Variants in EIF4G3 observed in about 807,000 individuals in gnomAD.
The protein encoded by EIF4G3 is eIF-4-gamma 3.
Under a neutral mutation model 186.4 loss-of-function variants are expected in EIF4G3, and 34 were observed. That is an observed-to-expected ratio of 0.18 (90% CI 0.14 to 0.24). EIF4G3 has a LOEUF of 0.24. Among genes scored for constraint, EIF4G3 ranks in the 10% least tolerant of loss-of-function variants. The probability of loss-of-function intolerance (pLI) is 1.00; values close to 1 mark genes in which losing one functional copy is unlikely to be tolerated. For synonymous variants in EIF4G3, 673 were observed against 679.5 expected, an observed-to-expected ratio of 0.99 and a Z score of 0.15; for missense variants, 1,536 against 1,948.5, an observed-to-expected ratio of 0.79 and a Z score of 3.99.
rs150071250 is a variant in EIF4G3, at chr1:20,918,040, T to C, written c.1664-13069A>G. 2.2e-3 allele frequency among the ~76,000 whole-genome samples: 336 copies of C among 152,308 alleles called. 1 individual carries two copies. Among genetic ancestry groups the C allele is most frequent in the African/African-American group, 7.5e-3 (311 of 41,576 alleles). On this transcript the variant is annotated intron_variant, in intron 14 of 36. Coordinates refer to ENST00000602326, the MANE Select transcript of EIF4G3 (RefSeq NM_001391906.1). ...CTAATTTCTGTTGCCTTTTATCTTTTACTTTTTGTTTTTAATGACAAATGT... is the reference window on the plus strand; with the variant it reads ...CTAATTTCTGTTGCCTTTTATCTTTCACTTTTTGTTTTTAATGACAAATGT...
chr1:21,045,404 A>T (rs1051084780), intron 4 of EIF4G3, among the ~76,000 whole-genome samples: 1 of 152,204 alleles, frequency 6.6e-6, no homozygotes, highest in Admixed American at 6.5e-5. Context: ...CCAGTGGATC[A>T]TATACCATCA....
At chr1:21,113,254 T>C (rs992996568) in intron 2 of EIF4G3, among the ~76,000 whole-genome samples, 1 of 151,814 alleles carries the variant, frequency 6.6e-6, no homozygotes, top group Non-Finnish European at 1.5e-5. Flanking sequence ...TCTGGTTTAA[T>C]GGTAGACCAG....
rs1194017235 is a variant in EIF4G3, at chr1:20,883,116, T to C, written c.2424+3085A>G. Among the ~76,000 whole-genome samples, 4 of 151,852 alleles carry C rather than the reference T, an allele frequency of 2.6e-5. No individual in the cohort carries two copies. The East Asian group carries it at 7.7e-4, about 29-fold the overall frequency. ...AAAAACATTTCGCTATAACTAAATA[T>C]CTAGTTGATGTCCAGTAAATTCTGT... On this transcript the variant is annotated intron_variant, in intron 19 of 36. Coordinates refer to ENST00000602326, the MANE Select transcript of EIF4G3 (RefSeq NM_001391906.1).
At chr1:21,143,241 T>C (rs1197445302) in intron 2 of EIF4G3, among the ~76,000 whole-genome samples, 1 of 148,338 alleles carries the variant, frequency 6.7e-6, no homozygotes, top group Non-Finnish European at 1.5e-5. Flanking sequence ...AAAGTGAGAA[T>C]TCGTCAAGAA....
At chr1:20,906,758 C>A (rs1387268208) in intron 14 of EIF4G3, among the ~76,000 whole-genome samples, 1 of 151,820 alleles carries the variant, frequency 6.6e-6, no homozygotes, top group Admixed American at 6.6e-5. Context: ...AAAAGAGGGA[C>A]AGAAAGAGCA....
intron 3 of EIF4G3, among the ~76,000 whole-genome samples, chr1:21,054,277 C>T (rs58880914): frequency 0.013 from 1,867 of 148,966 alleles, 30 homozygotes; most frequent in African/African-American, 0.044. Context: ...GGCAGCATGC[C>T]CGTTAAGAGT....
intron 34 of EIF4G3, among the ~76,000 whole-genome samples, chr1:20,816,199 GC>G: frequency 1.1e-5 from 1 of 94,188 alleles, no homozygotes; most frequent in African/African-American, 4.1e-5. Context: ...CCTCTGCCCG[GC>G]CAGCCGCCCC....
intron 19 of EIF4G3, among the ~76,000 whole-genome samples, chr1:20,884,063 G>A (rs1259678956): frequency 6.6e-6 from 1 of 152,108 alleles, no homozygotes; most frequent in Non-Finnish European, 1.5e-5. Context: ...TCACAATGCT[G>A]ATTTAATATA....
intron 2 of EIF4G3, among the ~76,000 whole-genome samples, chr1:21,106,259 A>AT (rs1491197103): frequency 6.6e-6 from 1 of 152,124 alleles, no homozygotes; most frequent in Non-Finnish European, 1.5e-5. Flanking sequence ...AAGACCATTC[A>AT]TTTTTTATAA....
In EIF4G3 at chr1:21,021,624, C is replaced by T. The variant is rs532732739; in HGVS notation, c.-66-18816G>A. On this transcript the variant is annotated intron_variant, in intron 4 of 36. Transcript: ENST00000602326. ...AGGCTGGAGTGCAGGGGTGCAATCT[C>T]GGCTCACTGCAACCTCTGCCTCCTG... Among the ~76,000 whole-genome samples the T allele has an allele frequency of 3.3e-5, 5 of 152,140 alleles. No homozygotes were observed. The East Asian group carries it at 7.7e-4, about 24-fold the overall frequency.
At chr1:21,092,782 C>G (rs1208885297) in intron 2 of EIF4G3, among the ~76,000 whole-genome samples, 3 of 152,134 alleles carry the variant, frequency 2.0e-5, no homozygotes, top group African/African-American at 7.2e-5. Context: ...ACAGAGCCCT[C>G]AGAAATAATA....
intron 4 of EIF4G3, among the ~76,000 whole-genome samples, chr1:21,024,166 TG>T (rs373710147): frequency 0.33 from 46,660 of 142,676 alleles, 8,335 homozygotes; most frequent in Non-Finnish European, 0.41. Context: ...GGGAGGGAGG[TG>T]GGGGGGGGTC....
intron 10 of EIF4G3, among the ~76,000 whole-genome samples, chr1:20,977,201 T>G (rs1209485805): frequency 6.6e-6 from 1 of 152,142 alleles, no homozygotes; most frequent in Non-Finnish European, 1.5e-5. Context: ...ATTTTTTTTT[T>G]TTTTAGATGG....
chr1:20,928,543 T>C (rs977514214), intron 14 of EIF4G3, among the ~76,000 whole-genome samples: 12 of 151,880 alleles, frequency 7.9e-5, no homozygotes, highest in African/African-American at 1.2e-4. Context: ...GCTGGGACTA[T>C]AGGCGTGCAC....
downstream of EIF4G3, chr1:20,806,297 C>T (rs1010956529): frequency 6.6e-6 from 1 of 152,418 alleles, no homozygotes; most frequent in African/African-American, 2.4e-5. Flanking sequence ...GAGACATATA[C>T]ATACATACAT....
intron 3 of EIF4G3, among the ~76,000 whole-genome samples, chr1:21,068,156 T>C (rs2095315713): frequency 6.6e-6 from 1 of 151,662 alleles, no homozygotes. Context: ...GTGTATCACC[T>C]GAGGTCAGGA....
intron 29 of EIF4G3, among the ~76,000 whole-genome samples, chr1:20,845,009 C>T (rs2070310769): frequency 6.6e-6 from 1 of 152,120 alleles, no homozygotes; most frequent in Admixed American, 6.6e-5. Context: ...GCTTTCGTTG[C>T]ACTGTTTTTG....
chr1:20,920,246 A>T (rs2094375496), intron 14 of EIF4G3, among the ~76,000 whole-genome samples: 1 of 152,232 alleles, frequency 6.6e-6, no homozygotes, highest in Admixed American at 6.5e-5. Context: ...AGTGACATTT[A>T]ACTAAGTTTT....
chr1:20,842,600 C>A (rs2069071924), intron 29 of EIF4G3, among the ~76,000 whole-genome samples: 1 of 152,092 alleles, frequency 6.6e-6, no homozygotes, highest in Non-Finnish European at 1.5e-5. Context: ...CTCCTGACCT[C>A]AGGTAATCGC....
Sources: gnomAD v4.1 joint callset for allele counts (sites outside exome capture counted in the v4.1 genomes callset) on GRCh38, gnomAD v4.1.1 for gene constraint, MANE v1.5 for transcripts, NCBI Gene and HGNC (gene_info 2026-07-23, HGNC 2026-07-21) for gene names.